TMEM131L: variants seen among roughly 807,000 people sequenced by gnomAD.
TMEM131L encodes the protein transmembrane protein 131-like.
In TMEM131L, 54 loss-of-function variants were observed where a neutral mutation model predicts 192.2. The observed-to-expected ratio is 0.28, with a 90% CI of 0.23 to 0.35. The LOEUF (loss-of-function observed/expected upper bound fraction) is 0.35, where lower values mean the gene tolerates loss of function less well. Among genes scored for constraint, TMEM131L ranks in the 10% least tolerant of loss-of-function variants. TMEM131L has a pLI of 1.00. For synonymous variants in TMEM131L, 701 were observed against 704.9 expected (o/e 0.99, Z 0.09); for missense variants, 1,888 against 1,972.9 (o/e 0.96, Z 0.82).
intron 3 of TMEM131L, among the ~76,000 whole-genome samples, chr4:153,489,069 G>A (rs1002406784): frequency 7.2e-5 from 11 of 152,210 alleles, no homozygotes; most frequent in Non-Finnish European, 1.2e-4. Flanking sequence ...CTGAGGTACT[G>A]GGGTTAGGAC....
In TMEM131L at chr4:153,575,812, G is replaced by T. The variant is rs185989299; in HGVS notation, c.661-5014G>T. 8.5e-4 allele frequency among the ~76,000 whole-genome samples: 129 copies of T among 152,218 alleles called. No homozygotes were observed. The South Asian group carries it at 0.01, about 12-fold the overall frequency. ...TGTTTTTCCTGTCTAATCAGCCCAGGCTCACTCTGGATGAGGGCGTGTCCT... is the reference window on the plus strand; with the variant it reads ...TGTTTTTCCTGTCTAATCAGCCCAGTCTCACTCTGGATGAGGGCGTGTCCT... On this transcript the variant is annotated intron_variant, in intron 7 of 34. Transcript: ENST00000409959.
rs773923664 is a variant in TMEM131L at position 153,604,419 on chromosome 4, G to A, written c.3407G>A (p.Arg1136Lys). The A allele has an allele frequency of 6.3e-7, 1 of 1,596,344 alleles. No homozygotes were observed. The highest frequency in any genetic ancestry group is 1.1e-5 in the South Asian group (1 of 88,048). Residue 1136 changes from arginine (R) to lysine (K), a missense_variant, in exon 25 of 35, where the codon AGG (arginine) becomes AAG (lysine). Arg to Lys is a conservative substitution (Grantham distance 26). Coordinates refer to ENST00000409959, the MANE Select transcript of TMEM131L (RefSeq NM_001131007.2). ...CAGCCAGACTTGCCAGAAATTTCCA[G>A]GAAAAATAATGGTAATCTTTTCATC... is the stretch of plus-strand genomic sequence containing the variant. ...YHQPDLPEIS[R>K]KNNGNNQQVP...
chr4:153,589,122 C>T (rs929291983), intron 16 of TMEM131L, 115 bp downstream of exon 16: 7 of 632,600 alleles, frequency 1.1e-5, no homozygotes, highest in African/African-American at 1.8e-5. Context: ...CCGTAGATGC[C>T]TGAAACTGTA....
At chr4:153,621,662 G>C (rs7663417) in intron 27 of TMEM131L, 21 bp from the exon 28 acceptor site, 1 of 1,597,746 alleles carries the variant, frequency 6.3e-7, no homozygotes, top group Non-Finnish European at 8.5e-7. Context: ...GTGTTTTTTT[G>C]TGTGTGTGTG....
chr4:153,540,434 G>A (rs1580171065), intron 3 of TMEM131L, among the ~76,000 whole-genome samples: 1 of 151,914 alleles, frequency 6.6e-6, no homozygotes, highest in East Asian at 1.9e-4. Flanking sequence ...CCTATTCCAC[G>A]CCAGGTGATC....
At chr4:153,488,859 G>C (rs2149861683) in intron 3 of TMEM131L, among the ~76,000 whole-genome samples, 1 of 152,282 alleles carries the variant, frequency 6.6e-6, no homozygotes, top group African/African-American at 2.4e-5. Flanking sequence ...CTCGCCGGCA[G>C]CCTGTGGGGT....
chr4:153,466,435 G>A lies in TMEM131L; in HGVS notation c.38G>A (p.Cys13Tyr), dbSNP rs773004221. The change falls in exon 1 of 35, where the codon TGC becomes TAC. Residue 13 changes from cysteine (C) to tyrosine (Y), a missense_variant. By Grantham distance (194) the Cys-to-Tyr change is radical (BLOSUM62 -2). Transcript: ENST00000409959. The stretch of plus-strand genomic sequence containing the variant: ...CGACGCCCGCAGCCCGGCTGCTACT[G>A]CCGCACCGCGGCGGCCGTGAACCTC... ...GLRRPQPGCYCRTAAAVNLLL... is the reference protein window; with the variant it reads ...GLRRPQPGCYYRTAAAVNLLL... The A allele has an allele frequency of 1.6e-5, 22 of 1,410,160 alleles. No homozygotes were observed. The South Asian group carries it at 3.0e-4, about 19-fold the overall frequency. The allele number at this position is 1,410,160 out of a possible 1,614,324, so 87.4% of individuals were successfully genotyped here. A position where few individuals can be genotyped will look rare whatever the true frequency, so the allele number is the denominator to read the frequency against.
chr4:153,471,506 G>A (rs1561107204), intron 2 of TMEM131L, among the ~76,000 whole-genome samples: 1 of 152,166 alleles, frequency 6.6e-6, no homozygotes, highest in South Asian at 2.1e-4. Flanking sequence ...AAGTCTGCAG[G>A]TAACAGGTGG....
intron 7 of TMEM131L, among the ~76,000 whole-genome samples, chr4:153,568,969 G>A (rs1231838291): frequency 3.9e-5 from 6 of 152,234 alleles, no homozygotes; most frequent in Admixed American, 2.0e-4. Flanking sequence ...TGGAGGGGAA[G>A]TTTGGGTCTG....
At chr4:153,519,052 A>T (rs1734930498) in intron 3 of TMEM131L, among the ~76,000 whole-genome samples, 1 of 151,774 alleles carries the variant, frequency 6.6e-6, no homozygotes, top group Non-Finnish European at 1.5e-5. Flanking sequence ...TTTTCTCCCC[A>T]CCTTCCTGGG....
chr4:153,595,457 A>C lies in TMEM131L; in HGVS notation c.1996-801A>C, dbSNP rs538595720. Among the ~76,000 whole-genome samples, 169 of 81,500 alleles carry C rather than the reference A, an allele frequency of 2.1e-3. 1 individual carries two copies. Among genetic ancestry groups the C allele is most frequent in the Non-Finnish European group, 4.5e-3 (136 of 29,976 alleles). The allele number at this position is 81,500 out of a possible 152,430, so 53.5% of individuals were successfully genotyped here. On this transcript the variant is annotated intron_variant, in intron 19 of 34. Transcript: ENST00000409959. Reference sequence around the variant, plus strand: ...TATAATTCTAATAAAAATGAATCAAATAATCAAATACTATTACTATTCTCT... The same window carrying C: ...TATAATTCTAATAAAAATGAATCAACTAATCAAATACTATTACTATTCTCT...
At chr4:153,524,131 G>GTTTTTTTTT (rs57178282) in intron 3 of TMEM131L, among the ~76,000 whole-genome samples, 1 of 122,732 alleles carries the variant, frequency 8.1e-6, no homozygotes, top group Non-Finnish European at 1.7e-5. Context: ...TTTCACTTCT[G>GTTTTTTTTT]TTTTTTTTTT....
chr4:153,534,468 C>T (rs1736155862), intron 3 of TMEM131L, among the ~76,000 whole-genome samples: 1 of 152,058 alleles, frequency 6.6e-6, no homozygotes, highest in Admixed American at 6.5e-5. Context: ...GAGTCTTGCT[C>T]TGTCGCCCAG....
Position 153,622,955 on chromosome 4 carries a change from G to A in TMEM131L, c.3917G>A (p.Ser1306Asn). The part of the protein sequence containing the change: ...KCVDKFCSDS[S>N]SDCGSSSGSV... ...GTGGACAAGTTCTGCTCCGATTCCA[G>A]CTCTGACTGTGGGAGCTCCTCTGGC... Residue 1306 changes from serine to asparagine, a missense_variant, in exon 29 of 35, where the codon AGC (serine) becomes AAC (asparagine). By Grantham distance (46) the Ser-to-Asn change is conservative (BLOSUM62 1). Transcript: ENST00000409959. 6.2e-7 allele frequency: 1 copy of A among 1,614,258 alleles called. No individual in the cohort carries two copies. The highest frequency in any genetic ancestry group is 8.5e-7 in the Non-Finnish European group (1 of 1,180,042).
chr4:153,506,785 G>A (rs1267918022), intron 3 of TMEM131L, among the ~76,000 whole-genome samples: 1 of 149,968 alleles, frequency 6.7e-6, no homozygotes, highest in Non-Finnish European at 1.5e-5. Context: ...AGAGGTTGCA[G>A]TGAGCCGAGA....
rs1317304142 is a variant in TMEM131L, at chr4:153,466,534, C to G, written c.124+13C>G. On this transcript the variant is annotated intron_variant, in intron 1 of 34. Transcript: ENST00000409959. ...GCTCAGGGACAAGGTCAGCCTTGCG[C>G]CGCTGGGCTCGCTCTGCCTCTCCAC... is the stretch of plus-strand genomic sequence containing the variant. 1 of 1,331,104 alleles carries G rather than the reference C, an allele frequency of 7.5e-7. No homozygotes were observed. Among genetic ancestry groups the G allele is most frequent in the Admixed American group, 3.2e-5 (1 of 30,856 alleles). 82.5% of individuals were successfully genotyped at this position (1,331,104 alleles called of 1,614,324 possible). A position where few individuals can be genotyped will look rare whatever the true frequency, so the allele number is the denominator to read the frequency against.
At chr4:153,600,380 A>C (rs1461407887) in intron 21 of TMEM131L, among the ~76,000 whole-genome samples, 4 of 151,590 alleles carry the variant, frequency 2.6e-5, no homozygotes, top group Admixed American at 6.6e-5. Flanking sequence ...AAAAAAAAAA[A>C]AAACATCAAA....
chr4:153,472,602 C>T (rs1731237580), intron 2 of TMEM131L, among the ~76,000 whole-genome samples: 1 of 152,034 alleles, frequency 6.6e-6, no homozygotes, highest in Non-Finnish European at 1.5e-5. Flanking sequence ...GAGAGATAGA[C>T]AGTAAACAAG....
At chr4:153,472,282 C>T (rs919357714) in intron 2 of TMEM131L, among the ~76,000 whole-genome samples, 2 of 152,116 alleles carry the variant, frequency 1.3e-5, no homozygotes, top group Non-Finnish European at 2.9e-5. Flanking sequence ...AGTTTTTAGC[C>T]ATTACGTATG....
Sources: gnomAD v4.1 joint callset for allele counts (sites outside exome capture counted in the v4.1 genomes callset) on GRCh38, gnomAD v4.1.1 for gene constraint, MANE v1.5 for transcripts, NCBI Gene and HGNC (gene_info 2026-07-23, HGNC 2026-07-21) for gene names.